Variants in MAML1 observed in about 807,000 individuals in gnomAD.
The protein encoded by MAML1 is mastermind-like protein 1.
A neutral mutation model predicts 77.1 loss-of-function variants in MAML1; 14 were observed. That is an observed-to-expected ratio of 0.18 (90% CI 0.12 to 0.28). The LOEUF is 0.28. Among genes scored for constraint, MAML1 ranks in the 10% least tolerant of loss-of-function variants. MAML1 has a pLI of 1.00. For synonymous variants in MAML1, 516 were observed against 551.9 expected, an observed-to-expected ratio of 0.93 and a Z score of 0.91; for missense variants, 1,217 against 1,327.8, an observed-to-expected ratio of 0.92 and a Z score of 1.30.
intron 1 of MAML1, among the ~76,000 whole-genome samples, chr5:179,753,459 A>T (rs997745464): frequency 6.6e-6 from 1 of 152,088 alleles, no homozygotes; most frequent in Non-Finnish European, 1.5e-5. Context: ...AGTAGATTCA[A>T]TTGTTTTATT....
At chr5:179,761,942 G>A (rs1337786155) in intron 1 of MAML1, among the ~76,000 whole-genome samples, 2 of 152,122 alleles carry the variant, frequency 1.3e-5, no homozygotes, top group Admixed American at 1.3e-4. Flanking sequence ...CTAAGGGGTG[G>A]GAACTGGTGG....
intron 1 of MAML1, among the ~76,000 whole-genome samples, chr5:179,761,795 A>G (rs191879536): frequency 1.3e-5 from 2 of 152,306 alleles, no homozygotes; most frequent in African/African-American, 2.4e-5. Context: ...AATATGGCCT[A>G]TGTGTAACAG....
chr5:179,774,644 G>T lies in MAML1; in HGVS notation c.2818G>T (p.Ala940Ser), dbSNP rs747770994. The change falls in exon 5 of 5, where the codon GCC (alanine) becomes TCC (serine). Residue 940 changes from alanine to serine, a missense_variant. Physicochemically the swap from Ala to Ser is moderately conservative, Grantham distance 99. This residue lies in a region of MAML1 where 884 missense variants were observed against 949.3 expected (regional missense o/e 0.93). Coordinates refer to ENST00000292599, the MANE Select transcript of MAML1 (RefSeq NM_014757.5). Reference protein sequence around the residue: ...GLSPAGPELGAFSQSPASQMG... With the variant: ...GLSPAGPELGSFSQSPASQMG... ...GAGCCCAGCAGGGCCTGAGCTGGGGGCCTTCAGCCAGAGCCCTGCCTCACA... is the reference window on the plus strand; with the variant it reads ...GAGCCCAGCAGGGCCTGAGCTGGGGTCCTTCAGCCAGAGCCCTGCCTCACA... 6.2e-6 allele frequency: 10 copies of T among 1,610,808 alleles called. No homozygotes were observed. The African/African-American group carries it at 1.1e-4, about 17-fold the overall frequency.
intron 1 of MAML1, among the ~76,000 whole-genome samples, chr5:179,763,039 C>T (rs1463741589): frequency 1.3e-5 from 2 of 152,232 alleles, no homozygotes; most frequent in Admixed American, 6.5e-5. Flanking sequence ...TAATCTGAGA[C>T]AACCAGCTGA....
intron 4 of MAML1, 83 bp from the exon 5 acceptor site, chr5:179,773,812 A>G: frequency 6.6e-7 from 1 of 1,525,668 alleles, no homozygotes; most frequent in Non-Finnish European, 8.8e-7. Context: ...CGTGAACGTG[A>G]GACTTCTGGT....
rs1755930456 is a variant in MAML1 at position 179,769,582 on chromosome 5, T to A, written c.1971+493T>A. Among the ~76,000 whole-genome samples, 1 of 150,662 alleles carries A rather than the reference T, an allele frequency of 6.6e-6. No homozygotes were observed. The highest frequency in any genetic ancestry group is 1.5e-5 in the Non-Finnish European group (1 of 67,664). ...TTCTTTTTTTTTTTTGGAGACAGAG[T>A]CTTGCTGTCACCCAGGCTGGACTGC... On this transcript the variant is annotated intron_variant, in intron 3 of 4. Transcript: ENST00000292599. The surrounding 1 kb of genome is among the most constrained non-coding windows in gnomAD (Gnocchi z 4.2).
rs1756125683 is a variant in MAML1 at position 179,775,855 on chromosome 5, TTACTCCATTG to T, written c.*979_*988del. On this transcript the variant is annotated 3_prime_UTR_variant, in exon 5 of 5. Coordinates refer to ENST00000292599, the MANE Select transcript of MAML1 (RefSeq NM_014757.5). ...TGCAGCCCAAATGGAAAACAATTAT[TTACTCCATTG>T]GAGGGAAAGGAAGAGTCTTAGAATT... 3 of 985,516 alleles carry T rather than the reference TTACTCCATTG, an allele frequency of 3.0e-6. No homozygotes were observed. The highest frequency in any genetic ancestry group is 3.6e-6 in the Non-Finnish European group (3 of 829,940). 61.0% of individuals were successfully genotyped at this position (985,516 alleles called of 1,614,324 possible).
intron 1 of MAML1, among the ~76,000 whole-genome samples, chr5:179,753,218 TGTGTGCGC>T (rs1287772468): frequency 5.0e-4 from 32 of 64,104 alleles, no homozygotes; most frequent in African/African-American, 8.5e-4. Flanking sequence ...TGTGTGTGTG[TGTGTGCGC>T]GCGCGCGCGC....
chr5:179,777,277 A>G lies in MAML1; in HGVS notation c.*2400A>G, dbSNP rs1420999691. On this transcript the variant is annotated 3_prime_UTR_variant, in exon 5 of 5. Coordinates refer to ENST00000292599, the MANE Select transcript of MAML1 (RefSeq NM_014757.5). ...TATAAAAATAAAGTATTTTGCTAGT[A>G]TGGAAACAACCTTTGTATTTGACGT... The G allele has an allele frequency of 1.1e-5, 10 of 949,588 alleles. No homozygotes were observed. The highest frequency in any genetic ancestry group is 1.2e-4 in the East Asian group (1 of 8,644). 58.8% of individuals were successfully genotyped at this position (949,588 alleles called of 1,614,324 possible).
At chr5:179,745,412 A>T (rs1779359615) in intron 1 of MAML1, among the ~76,000 whole-genome samples, 2 of 151,950 alleles carry the variant, frequency 1.3e-5, no homozygotes, top group African/African-American at 4.8e-5. Flanking sequence ...CACATAAATA[A>T]ACTATAAAGG....
chr5:179,739,868 G>GC (rs1234843090), intron 1 of MAML1, among the ~76,000 whole-genome samples: 1 of 152,146 alleles, frequency 6.6e-6, no homozygotes, highest in African/African-American at 2.4e-5. Context: ...GCGAGGCTGG[G>GC]CAGGGGTCTT....
rs757878453 is a variant in MAML1 at position 179,766,334 on chromosome 5, G to A, written c.1324G>A (p.Val442Ile). 1 of 1,608,548 alleles carries A rather than the reference G, an allele frequency of 6.2e-7. No individual in the cohort carries two copies. Among genetic ancestry groups the A allele is most frequent in the South Asian group, 1.1e-5 (1 of 90,250 alleles). Residue 442 changes from valine (V) to isoleucine (I), a missense_variant, in exon 2 of 5, where the codon GTC becomes ATC. Around this residue, in one of 3 missense-constraint regions of MAML1, gnomAD observed 884 missense variants for 949.3 expected, o/e 0.93. Coordinates refer to ENST00000292599, the MANE Select transcript of MAML1 (RefSeq NM_014757.5). The surrounding 1 kb of genome is among the most constrained non-coding windows in gnomAD (Gnocchi z 4.0). ...QTGPSHSSLD[V>I]PYPMEKPASP... ...GGGGCCCTCCCACAGTTCCTTAGAT[G>A]TCCCTTACCCCATGGAGAAGCCTGC...
chr5:179,753,654 ATTTTTTTT>A (rs1209995171), intron 1 of MAML1, among the ~76,000 whole-genome samples: 2 of 88,852 alleles, frequency 2.3e-5, no homozygotes, highest in African/African-American at 3.6e-5. Flanking sequence ...TATTATTATT[ATTTTTTTT>A]TTTTTTTTTT....
Position 179,733,067 on chromosome 5 carries a change from C to T in MAML1, c.-46C>T, listed in dbSNP as rs939142598. 52 of 1,183,006 alleles carry T rather than the reference C, an allele frequency of 4.4e-5. No homozygotes were observed. Among genetic ancestry groups the T allele is most frequent in the Non-Finnish European group, 5.0e-5 (47 of 936,742 alleles). 73.3% of individuals were successfully genotyped at this position (1,183,006 alleles called of 1,614,324 possible). A position where few individuals can be genotyped will look rare whatever the true frequency, so the allele number is the denominator to read the frequency against. On this transcript the variant is annotated 5_prime_UTR_variant, in exon 1 of 5. Transcript: ENST00000292599. ...GAGCGAAGCCCGCAGTGCCAGCCGG[C>T]CCCGAGAGGCCCGGCCCCGGGCCCG...
At chr5:179,757,881 CAT>C (rs1333620880) in intron 1 of MAML1, among the ~76,000 whole-genome samples, 5 of 152,156 alleles carry the variant, frequency 3.3e-5, no homozygotes, top group African/African-American at 1.2e-4. Context: ...TAAATACTTA[CAT>C]AGCTTTGCTT....
In MAML1 at chr5:179,759,427, T is replaced by A. The variant is rs1380298388; in HGVS notation, c.316-5899T>A. 3.9e-5 allele frequency among the ~76,000 whole-genome samples: 6 copies of A among 152,364 alleles called. No individual in the cohort carries two copies. The South Asian group carries it at 1.2e-3, about 32-fold the overall frequency. On this transcript the variant is annotated intron_variant, in intron 1 of 4. Transcript: ENST00000292599. ...GAATAATAGGTTAAGAATGATTAAC[T>A]GGGAATACATCATAAGTAACTGGAA...
intron 1 of MAML1, among the ~76,000 whole-genome samples, chr5:179,758,696 T>C (rs1779671381): frequency 6.6e-6 from 1 of 152,038 alleles, no homozygotes; most frequent in South Asian, 2.1e-4. Context: ...GACCATTTTT[T>C]TTTCTTTTTT....
Position 179,766,768 on chromosome 5 carries a change from C to G in MAML1, c.1731+27C>G. ...TAAGTATGAGCCTTTGCTTTCTGTTCCTCTGCTGCAGACACTTCAGTGAGG... is the reference window on the plus strand; with the variant it reads ...TAAGTATGAGCCTTTGCTTTCTGTTGCTCTGCTGCAGACACTTCAGTGAGG... On this transcript the variant is annotated intron_variant, in intron 2 of 4. Coordinates refer to ENST00000292599, the MANE Select transcript of MAML1 (RefSeq NM_014757.5). This position sits in a 1 kb window ranked among gnomAD's most constrained non-coding sequence, Gnocchi z 4.0. 1 of 1,499,796 alleles carries G rather than the reference C, an allele frequency of 6.7e-7. No individual in the cohort carries two copies. The highest frequency in any genetic ancestry group is 8.9e-7 in the Non-Finnish European group (1 of 1,119,100). The allele number at this position is 1,499,796 out of a possible 1,614,324, so 92.9% of individuals were successfully genotyped here.
In MAML1 at chr5:179,743,386, T is replaced by A. The variant is rs867453174; in HGVS notation, c.315+9959T>A. Among the ~76,000 whole-genome samples, 223 of 142,378 alleles carry A rather than the reference T, an allele frequency of 1.6e-3. 2 individuals carry two copies. The highest frequency in any genetic ancestry group is 0.011 in the Middle Eastern group (3 of 276). The allele number at this position is 142,378 out of a possible 152,430, so 93.4% of individuals were successfully genotyped here. ...ACGCTTTTTTTTTTTTTTTTTTTTT[T>A]AAGAGAGTCTCACTGTGTCTCCCAG... On this transcript the variant is annotated intron_variant, in intron 1 of 4. Coordinates refer to ENST00000292599, the MANE Select transcript of MAML1 (RefSeq NM_014757.5).
Sources: allele counts gnomAD v4.1 joint callset (sites outside exome capture counted in the v4.1 genomes callset), GRCh38; gene constraint gnomAD v4.1.1; regional missense constraint gnomAD v4.1.1; non-coding constraint Gnocchi (gnomAD v3.1); transcripts MANE v1.5; gene names NCBI Gene and HGNC (gene_info 2026-07-23, HGNC 2026-07-21).